The following PRIM2 variants were observed in gnomAD, a reference collection of about 807,000 sequenced individuals.
The protein encoded by PRIM2 is DNA primase subunit 2, also known as DNA primase large subunit.
A neutral mutation model predicts 67.3 loss-of-function variants in PRIM2; 39 were observed. The observed-to-expected ratio is 0.58, with a 90% CI of 0.45 to 0.76. The LOEUF is 0.76. Ranked by LOEUF, PRIM2 falls within the 30% of genes least tolerant of loss-of-function variation. The pLI is 0.00. For synonymous variants in PRIM2, 143 were observed against 198.7 expected (o/e 0.72, Z 2.36); for missense variants, 398 against 598.7 (o/e 0.66, Z 3.50).
chr6:57,486,339 C>T (rs1348190244), intron 7 of PRIM2, among the ~76,000 whole-genome samples: 1 of 152,178 alleles, frequency 6.6e-6, no homozygotes, highest in East Asian at 1.9e-4. Context: ...TGGTCATCGC[C>T]AAGGTCTGAT....
chr6:57,231,654 C>A, the PRIM2 span, among the ~76,000 whole-genome samples: 1 of 152,148 alleles, frequency 6.6e-6, no homozygotes, highest in African/African-American at 2.4e-5. Flanking sequence ...ACAAATTGAA[C>A]AGGTTAACAT....
chr6:57,512,326 G>A (rs1554347788), intron 8 of PRIM2, among the ~76,000 whole-genome samples: 4 of 152,188 alleles, frequency 2.6e-5, no homozygotes, highest in Non-Finnish European at 5.9e-5. Flanking sequence ...AGATTGGTAA[G>A]ATGAGCATAT....
At chr6:57,434,864 C>A (rs1771962450) in intron 7 of PRIM2, 1 of 152,332 alleles carries the variant, frequency 6.6e-6, no homozygotes, top group African/African-American at 2.4e-5. Flanking sequence ...CAACCTCTGC[C>A]TCCTGGGCTC....
Position 57,586,817 on chromosome 6 carries a change from G to T in PRIM2, c.1021-14276G>T, listed in dbSNP as rs1776197181. ...AGATAAGGAAAAGGCAGAGCTGGGG[G>T]AGAACAAGGAGCTCCTAAATTTAGG... On this transcript the variant is annotated intron_variant, in intron 10 of 13. Coordinates refer to ENST00000615550, the MANE Select transcript of PRIM2 (RefSeq NM_000947.5). Among the ~76,000 whole-genome samples, 3 of 152,280 alleles carry T rather than the reference G, an allele frequency of 2.0e-5. No homozygotes were observed. The South Asian group carries it at 6.2e-4, about 32-fold the overall frequency.
intron 7 of PRIM2, among the ~76,000 whole-genome samples, chr6:57,423,694 C>A (rs1347863616): frequency 6.6e-6 from 1 of 152,158 alleles, no homozygotes; most frequent in Non-Finnish European, 1.5e-5. Flanking sequence ...ATGTGCAAAG[C>A]CAAGGGAAGC....
chr6:57,304,366 T>C, the PRIM2 span, among the ~76,000 whole-genome samples: 33 of 152,230 alleles, frequency 2.2e-4, no homozygotes, highest in Non-Finnish European at 8.8e-5. Context: ...TACTGTATTA[T>C]TATGAAACAA....
At position 57,541,192 on chromosome 6, in the gene PRIM2, A is replaced by G. The variant is rs1441847825; in HGVS notation, c.1020+3567A>G. ...GTTCATCTTGTAAATAGATAATGTA[A>G]ACTTACGGTATCGATCAATGTAGTA... On this transcript the variant is annotated intron_variant, in intron 10 of 13. Coordinates refer to ENST00000615550, the MANE Select transcript of PRIM2 (RefSeq NM_000947.5). Among the ~76,000 whole-genome samples the G allele has an allele frequency of 3.3e-5, 5 of 152,274 alleles. No individual in the cohort carries two copies. The East Asian group carries it at 7.7e-4, about 23-fold the overall frequency.
intron 7 of PRIM2, among the ~76,000 whole-genome samples, chr6:57,437,313 A>G (rs1173871412): frequency 1.3e-5 from 2 of 152,226 alleles, no homozygotes; most frequent in African/African-American, 4.8e-5. Context: ...GTTTGGCATG[A>G]GAGTTGATAG....
chr6:57,384,458 T>G (rs929194967), intron 7 of PRIM2, among the ~76,000 whole-genome samples: 3 of 152,194 alleles, frequency 2.0e-5, no homozygotes, highest in African/African-American at 7.2e-5. Context: ...TGTAACTAAG[T>G]ACATCTGCAA....
intron 9 of PRIM2, among the ~76,000 whole-genome samples, chr6:57,534,675 C>T (rs1774963975): frequency 6.6e-6 from 1 of 152,204 alleles, no homozygotes; most frequent in Non-Finnish European, 1.5e-5. Flanking sequence ...CATATGTAGA[C>T]TTAAATCCAA....
chr6:57,539,043 C>T (rs1390238613), intron 10 of PRIM2, among the ~76,000 whole-genome samples: 1 of 152,062 alleles, frequency 6.6e-6, no homozygotes, highest in African/African-American at 2.4e-5. Flanking sequence ...TTAAAAATAA[C>T]ATTATAAAAA....
chr6:57,326,893 CTTTT>C (rs70989764), intron 5 of PRIM2, among the ~76,000 whole-genome samples: 5 of 131,488 alleles, frequency 3.8e-5, no homozygotes, highest in African/African-American at 1.5e-4. Flanking sequence ...GAATTTGTAT[CTTTT>C]TTTTTTTTTT....
chr6:57,293,829 C>T, the PRIM2 span, among the ~76,000 whole-genome samples: 6 of 150,046 alleles, frequency 4.0e-5, no homozygotes, highest in Non-Finnish European at 7.4e-5. Context: ...CACACTGGGG[C>T]CTGTTGGGGG....
At chr6:57,331,478 A>C (rs948925195) in intron 5 of PRIM2, among the ~76,000 whole-genome samples, 2 of 152,128 alleles carry the variant, frequency 1.3e-5, no homozygotes, top group Admixed American at 1.3e-4. Context: ...GAGGTTGTGA[A>C]GGATTGGTTT....
At chr6:57,584,316 T>G (rs1353453142) in intron 10 of PRIM2, among the ~76,000 whole-genome samples, 40 of 152,162 alleles carry the variant, frequency 2.6e-4, no homozygotes, top group Non-Finnish European at 5.1e-4. Context: ...CATTTTCCTC[T>G]GATGATTATG....
At chr6:57,300,761 A>C in the PRIM2 span, among the ~76,000 whole-genome samples, 1 of 152,060 alleles carries the variant, frequency 6.6e-6, no homozygotes, top group Non-Finnish European at 1.5e-5. Flanking sequence ...AGTGGCTCAC[A>C]CCTGTAATCC....
rs1346950612 is a variant in PRIM2, at chr6:57,318,443, A to C, written c.-3A>C. On this transcript the variant is annotated 5_prime_UTR_variant, in exon 2 of 14. Transcript: ENST00000615550. ...TTGTGTACTTCCTTCTAAGGTGACC[A>C]AGATGGAGTTTTCTGGAAGAAAGTG... 2.5e-6 allele frequency: 4 copies of C among 1,611,342 alleles called. No homozygotes were observed. The highest frequency in any genetic ancestry group is 3.4e-6 in the Non-Finnish European group (4 of 1,178,840).
chr6:57,271,942 G>A, the PRIM2 span, among the ~76,000 whole-genome samples: 5 of 152,214 alleles, frequency 3.3e-5, no homozygotes, highest in South Asian at 2.1e-4. Flanking sequence ...GCAGATTTGA[G>A]TGAGTTTCTT....
At chr6:57,371,898 T>G (rs1769571794) in intron 5 of PRIM2, among the ~76,000 whole-genome samples, 1 of 152,248 alleles carries the variant, frequency 6.6e-6, no homozygotes, top group African/African-American at 2.4e-5. Flanking sequence ...TCAGAGAATT[T>G]CCCTTATGGA....
Sources: gnomAD v4.1 joint callset for allele counts (sites outside exome capture counted in the v4.1 genomes callset) on GRCh38, gnomAD v4.1.1 for gene constraint, MANE v1.5 for transcripts, NCBI Gene and HGNC (gene_info 2026-07-23, HGNC 2026-07-21) for gene names.